Variants in ROBO2 observed in about 807,000 individuals in gnomAD.
ROBO2 encodes roundabout guidance receptor 2.
In ROBO2, 53 loss-of-function variants were observed where a neutral mutation model predicts 160.8. That is an observed-to-expected ratio of 0.33 (90% CI 0.26 to 0.41). The LOEUF is 0.41. Ranked by LOEUF, ROBO2 falls within the 10% of genes least tolerant of loss-of-function variation. The pLI, the probability that ROBO2 is intolerant of heterozygous loss-of-function variation, is 1.00. For synonymous variants in ROBO2, 664 were observed against 611.7 expected (o/e 1.09, Z -1.26); for missense variants, 1,577 against 1,722.4 (o/e 0.92, Z 1.49).
chr3:76,573,384 G>A (rs1168390217), intron 2 of ROBO2, among the ~76,000 whole-genome samples: 1 of 152,046 alleles, frequency 6.6e-6, no homozygotes, highest in Non-Finnish European at 1.5e-5. Context: ...TTAAGAGTCA[G>A]CTGGTGCTCT....
rs147058620 is a variant in ROBO2 at position 77,378,104 on chromosome 3, T to G, written c.389-99310T>G. On this transcript the variant is annotated intron_variant, in intron 2 of 25. Coordinates refer to ENST00000461745, the Ensembl canonical transcript of ROBO2. ...GCAACAGACTTTAGAAAGATTAATA[T>G]GTTCTATGCTTTCTAAAAAAGGTAG... Among the ~76,000 whole-genome samples the G allele has an allele frequency of 3.9e-3, 588 of 152,342 alleles. 4 individuals carry two copies. Among genetic ancestry groups the G allele is most frequent in the South Asian group, 0.034 (164 of 4,826 alleles).
At chr3:77,308,464 G>T (rs1168718924) in intron 2 of ROBO2, among the ~76,000 whole-genome samples, 1 of 152,140 alleles carries the variant, frequency 6.6e-6, no homozygotes, top group African/African-American at 2.4e-5. Context: ...GACTCCCAAC[G>T]TTGTGTCAGT....
At chr3:76,388,799 T>C (rs1165590206) in intron 2 of ROBO2, among the ~76,000 whole-genome samples, 1 of 152,154 alleles carries the variant, frequency 6.6e-6, no homozygotes, top group Admixed American at 6.5e-5. Context: ...CATCTATCCA[T>C]TTATCTATTC....
At chr3:76,604,261 T>C (rs13077530) in intron 2 of ROBO2, among the ~76,000 whole-genome samples, 41,707 of 152,080 alleles carry the variant, frequency 0.27, 7,092 homozygotes, top group South Asian at 0.4. Context: ...TATACAGTTT[T>C]TGGACTTAAG....
At chr3:77,306,957 T>G (rs943111800) in intron 2 of ROBO2, among the ~76,000 whole-genome samples, 1 of 152,240 alleles carries the variant, frequency 6.6e-6, no homozygotes, top group African/African-American at 2.4e-5. Flanking sequence ...CGCAATTTCA[T>G]TTTTCATTCT....
chr3:76,678,989 A>G (rs1232346122), intron 2 of ROBO2, among the ~76,000 whole-genome samples: 1 of 152,144 alleles, frequency 6.6e-6, no homozygotes, highest in Non-Finnish European at 1.5e-5. Flanking sequence ...GTCACATGTT[A>G]TGGAATTTAT....
chr3:76,052,671 T>C (rs2107823678), intron 2 of ROBO2, among the ~76,000 whole-genome samples: 1 of 152,180 alleles, frequency 6.6e-6, no homozygotes, highest in Non-Finnish European at 1.5e-5. Context: ...TCCTTCACTA[T>C]GTTGATGTCT....
chr3:77,442,806 A>C (rs2080091009), intron 2 of ROBO2, among the ~76,000 whole-genome samples: 1 of 152,194 alleles, frequency 6.6e-6, no homozygotes, highest in Non-Finnish European at 1.5e-5. Context: ...ATTGTGATGT[A>C]GTGTGTGACT....
chr3:76,119,911 TCCC>T (rs1576937304), intron 2 of ROBO2, among the ~76,000 whole-genome samples: 5 of 80,098 alleles, frequency 6.2e-5, no homozygotes, highest in East Asian at 9.3e-4. Context: ...CTTCCTTCCC[TCCC>T]TCCCTTCCTT....
intron 2 of ROBO2, among the ~76,000 whole-genome samples, chr3:76,141,064 T>C (rs113127691): frequency 1.4e-4 from 15 of 107,264 alleles, no homozygotes; most frequent in East Asian, 3.7e-4. Context: ...TACATACATA[T>C]ATATATATAT....
intron 2 of ROBO2, among the ~76,000 whole-genome samples, chr3:77,366,154 T>C (rs190803117): frequency 6.6e-6 from 1 of 152,308 alleles, no homozygotes; most frequent in East Asian, 1.9e-4. Context: ...CATCCATGCA[T>C]GGATCTTTAG....
intron 2 of ROBO2, among the ~76,000 whole-genome samples, chr3:76,647,650 T>A (rs1578859419): frequency 6.6e-6 from 1 of 152,176 alleles, no homozygotes; most frequent in South Asian, 2.1e-4. Context: ...TTAATGGCTG[T>A]AATTTTTTTT....
At chr3:76,750,098 C>A (rs1050277080) in intron 2 of ROBO2, among the ~76,000 whole-genome samples, 2 of 152,092 alleles carry the variant, frequency 1.3e-5, no homozygotes, top group Non-Finnish European at 2.9e-5. Context: ...GCTTATCCAC[C>A]ATGATCAAGT....
chr3:77,240,420 G>A (rs530324290), intron 2 of ROBO2, among the ~76,000 whole-genome samples: 7 of 152,326 alleles, frequency 4.6e-5, no homozygotes, highest in African/African-American at 1.7e-4. Context: ...AACTCACGCT[G>A]GCCTGCGATT....
chr3:76,729,391 C>T (rs2093600209), intron 2 of ROBO2, among the ~76,000 whole-genome samples: 1 of 152,054 alleles, frequency 6.6e-6, no homozygotes, highest in Non-Finnish European at 1.5e-5. Context: ...CAATAATTCA[C>T]CACTCTAATA....
chr3:76,357,717 G>A (rs971161687), intron 2 of ROBO2, among the ~76,000 whole-genome samples: 1 of 151,552 alleles, frequency 6.6e-6, no homozygotes, highest in African/African-American at 2.4e-5. Flanking sequence ...TATCTCATTG[G>A]GATCTACCCA....
At chr3:76,689,642 A>G (rs564898814) in intron 2 of ROBO2, among the ~76,000 whole-genome samples, 1 of 152,320 alleles carries the variant, frequency 6.6e-6, no homozygotes, top group East Asian at 1.9e-4. Context: ...ACCTTAATAA[A>G]CAATGATCAT....
chr3:76,711,687 C>T lies in ROBO2; in HGVS notation c.110-386327C>T, dbSNP rs76978734. On this transcript the variant is annotated intron_variant, in intron 2 of 26. Transcript: ENST00000487694. ...CTAGAATGGTGCACACTTAGATAGCCACACGGTGCTGGGCAAGAGTCAGTT... is the reference window on the plus strand; with the variant it reads ...CTAGAATGGTGCACACTTAGATAGCTACACGGTGCTGGGCAAGAGTCAGTT... Among the ~76,000 whole-genome samples the T allele has an allele frequency of 9.2e-3, 1,405 of 152,272 alleles. 26 individuals carry two copies. The highest frequency in any genetic ancestry group is 0.032 in the African/African-American group (1,329 of 41,538).
chr3:77,362,032 T>C (rs113458144), intron 2 of ROBO2, among the ~76,000 whole-genome samples: 1,605 of 152,216 alleles, frequency 0.011, 16 homozygotes, highest in Middle Eastern at 0.017. Flanking sequence ...ATCTCACAAA[T>C]ACATGGTAAA....
Sources: allele counts gnomAD v4.1 joint callset (sites outside exome capture counted in the v4.1 genomes callset), GRCh38; gene constraint gnomAD v4.1.1; transcripts MANE v1.5; gene names NCBI Gene and HGNC (gene_info 2026-07-23, HGNC 2026-07-21).